RERE: variants seen among roughly 807,000 people sequenced by gnomAD.
The protein encoded by RERE is arginine-glutamic acid dipeptide repeats.
Under a neutral mutation model 146.1 loss-of-function variants are expected in RERE, and 40 were observed. That is an observed-to-expected ratio of 0.27 (90% CI 0.21 to 0.36). The LOEUF is 0.36. Among genes scored for constraint, RERE ranks in the 10% least tolerant of loss-of-function variants. The pLI, the probability that RERE is intolerant of heterozygous loss-of-function variation, is 1.00. For synonymous variants in RERE, 1,003 were observed against 866.0 expected (o/e 1.16, Z -2.78); for missense variants, 1,933 against 2,138.7 (o/e 0.90, Z 1.90).
intron 4 of RERE, among the ~76,000 whole-genome samples, chr1:8,570,940 A>G (rs1646214496): frequency 6.6e-6 from 1 of 152,246 alleles, no homozygotes; most frequent in Admixed American, 6.5e-5. Flanking sequence ...AAGTTACACA[A>G]GAAGAAAAAT....
At position 8,354,951 on chromosome 1, in the gene RERE, T is replaced by C; in HGVS notation, c.*136A>G. ...CACTACTATGTGGATACATTTTTAG[T>C]TGTGGGTTTTTAAATATATAAAGAA... On this transcript the variant is annotated 3_prime_UTR_variant, in exon 23 of 23. Transcript: ENST00000400908. The C allele has an allele frequency of 5.6e-6, 4 of 710,718 alleles. No homozygotes were observed. Among genetic ancestry groups the C allele is most frequent in the Non-Finnish European group, 9.4e-6 (4 of 424,130 alleles). The allele number at this position is 710,718 out of a possible 1,614,324, so 44.0% of individuals were successfully genotyped here. A position where few individuals can be genotyped will look rare whatever the true frequency, so the allele number is the denominator to read the frequency against.
At chr1:8,600,382 A>AT (rs943941087) in intron 4 of RERE, among the ~76,000 whole-genome samples, 8 of 152,190 alleles carry the variant, frequency 5.3e-5, no homozygotes, top group South Asian at 4.1e-4. Context: ...TTCTTTAAGA[A>AT]TTTTTTAACA....
At chr1:8,802,904 C>T (rs527974342) in intron 1 of RERE, among the ~76,000 whole-genome samples, 6 of 152,178 alleles carry the variant, frequency 3.9e-5, no homozygotes, top group South Asian at 2.1e-4. Context: ...AAGAAAAGTA[C>T]GAAAGGTAAG....
intron 4 of RERE, among the ~76,000 whole-genome samples, chr1:8,609,532 G>C (rs957886066): frequency 2.0e-5 from 3 of 152,108 alleles, no homozygotes; most frequent in South Asian, 4.1e-4. Context: ...AATCTCTCAT[G>C]ATCTTTATCG....
intron 10 of RERE, among the ~76,000 whole-genome samples, chr1:8,467,937 C>T (rs1308751649): frequency 6.6e-6 from 1 of 152,230 alleles, no homozygotes; most frequent in Non-Finnish European, 1.5e-5. Context: ...AGCCACCGCA[C>T]CCGGCCCAAA....
chr1:8,546,109 C>T (rs1441502879), intron 6 of RERE, among the ~76,000 whole-genome samples: 1 of 148,038 alleles, frequency 6.8e-6, no homozygotes, highest in Non-Finnish European at 1.5e-5. Context: ...TCCAGCTCAG[C>T]CTTCCCGGTA....
chr1:8,793,341 G>GT (rs1275625180), intron 1 of RERE, among the ~76,000 whole-genome samples: 1 of 152,078 alleles, frequency 6.6e-6, no homozygotes, highest in Non-Finnish European at 1.5e-5. Flanking sequence ...TCAACAGCAT[G>GT]TGATACTCTC....
chr1:8,687,046 T>G (rs1223276166), intron 1 of RERE, among the ~76,000 whole-genome samples: 1 of 152,232 alleles, frequency 6.6e-6, no homozygotes. Context: ...TGAGAAGTTT[T>G]TCTGCAAAGG....
At chr1:8,437,872 C>A (rs1346391826) in intron 11 of RERE, among the ~76,000 whole-genome samples, 5 of 151,924 alleles carry the variant, frequency 3.3e-5, no homozygotes, top group South Asian at 2.1e-4. Context: ...CTGCTCCCCC[C>A]ACCCCCATGC....
At chr1:8,666,599 T>G (rs1007053316) in intron 1 of RERE, among the ~76,000 whole-genome samples, 4 of 152,236 alleles carry the variant, frequency 2.6e-5, no homozygotes, top group African/African-American at 9.6e-5. Flanking sequence ...AAGGGAAATG[T>G]CACTCTAACA....
chr1:8,433,674 C>A (rs895271557), intron 11 of RERE, among the ~76,000 whole-genome samples: 1 of 151,416 alleles, frequency 6.6e-6, no homozygotes, highest in Non-Finnish European at 1.5e-5. Context: ...CATTCTCCTG[C>A]CTCAGCCTCC....
At chr1:8,543,031 C>G (rs1645817721) in intron 6 of RERE, among the ~76,000 whole-genome samples, 1 of 152,094 alleles carries the variant, frequency 6.6e-6, no homozygotes, top group Non-Finnish European at 1.5e-5. Flanking sequence ...ATCTAAATAG[C>G]TACGTATGGC....
At chr1:8,455,236 T>A (rs867767330) in intron 11 of RERE, among the ~76,000 whole-genome samples, 22 of 152,154 alleles carry the variant, frequency 1.4e-4, no homozygotes, top group African/African-American at 4.1e-4. Context: ...GATTCCTTTT[T>A]TTATTATTAT....
chr1:8,729,778 T>C (rs1640045664), intron 1 of RERE, among the ~76,000 whole-genome samples: 2 of 152,152 alleles, frequency 1.3e-5, no homozygotes, highest in Non-Finnish European at 2.9e-5. Context: ...CTATCCACCC[T>C]ATACTACATA....
intron 10 of RERE, among the ~76,000 whole-genome samples, chr1:8,466,863 A>G (rs1644605067): frequency 6.6e-6 from 1 of 152,206 alleles, no homozygotes; most frequent in South Asian, 2.1e-4. Context: ...GATGCTCCAG[A>G]CACTCCAAGT....
At chr1:8,422,424 T>C (rs1309965331) in intron 12 of RERE, among the ~76,000 whole-genome samples, 1 of 152,250 alleles carries the variant, frequency 6.6e-6, no homozygotes, top group African/African-American at 2.4e-5. Context: ...TAAAATTTGA[T>C]GTTAACTCTC....
intron 7 of RERE, among the ~76,000 whole-genome samples, chr1:8,535,638 T>A (rs1029605235): frequency 6.6e-6 from 1 of 152,212 alleles, no homozygotes; most frequent in Non-Finnish European, 1.5e-5. Context: ...TTATTGCAGT[T>A]GTCAGTCTAG....
Position 8,539,479 on chromosome 1 carries a change from T to C in RERE, c.830+1735A>G, listed in dbSNP as rs535402758. Among the ~76,000 whole-genome samples, 47 of 152,182 alleles carry C rather than the reference T, an allele frequency of 3.1e-4. 1 individual carries two copies. The highest frequency in any genetic ancestry group is 1.9e-3 in the South Asian group (9 of 4,814). On this transcript the variant is annotated intron_variant, in intron 7 of 22. Transcript: ENST00000400908. ...GAAGTGCAGTGGGGCAATCTCGGCT[T>C]ACTGCAACCTCCGCCTCCCGGGTTA...
chr1:8,469,841 C>G (rs890097380), intron 10 of RERE, among the ~76,000 whole-genome samples: 1 of 152,060 alleles, frequency 6.6e-6, no homozygotes, highest in African/African-American at 2.4e-5. Flanking sequence ...TTGAACATCT[C>G]GTTGTGGTTG....
Sources: gnomAD v4.1 joint callset for allele counts (sites outside exome capture counted in the v4.1 genomes callset) on GRCh38, gnomAD v4.1.1 for gene constraint, MANE v1.5 for transcripts, NCBI Gene and HGNC (gene_info 2026-07-23, HGNC 2026-07-21) for gene names.